Variants in SOAT1 observed in about 807,000 individuals in gnomAD.
The protein encoded by SOAT1 is acyl-coenzyme A:cholesterol acyltransferase 1.
A neutral mutation model predicts 69.5 loss-of-function variants in SOAT1; 55 were observed. The observed-to-expected ratio is 0.79, with a 90% CI of 0.64 to 0.99. SOAT1 has a LOEUF of 0.99. Among genes scored for constraint, SOAT1 ranks in the 50% least tolerant of loss-of-function variants. The pLI, the probability that SOAT1 is intolerant of heterozygous loss-of-function variation, is 0.00. For missense variants in SOAT1, 580 were observed against 669.3 expected (o/e 0.87, Z 1.47); for synonymous variants, 231 against 224.7 (o/e 1.03, Z -0.25).
chr1:179,333,929 A>G (rs1666059982), intron 3 of SOAT1, among the ~76,000 whole-genome samples: 2 of 151,878 alleles, frequency 1.3e-5, no homozygotes, highest in Admixed American at 1.3e-4. Context: ...ACCAAATGGG[A>G]GGTCAGAAGC....
chr1:179,331,591 T>C, intron 3 of SOAT1, among the ~76,000 whole-genome samples: 1 of 151,922 alleles, frequency 6.6e-6, no homozygotes, highest in East Asian at 1.9e-4. Flanking sequence ...TACAAAATTA[T>C]CAGTTAACAA....
At chr1:179,321,842 A>G (rs1321502734) in intron 2 of SOAT1, among the ~76,000 whole-genome samples, 2 of 151,940 alleles carry the variant, frequency 1.3e-5, no homozygotes, top group Non-Finnish European at 2.9e-5. Context: ...CTGTTTGGTT[A>G]AATGGTTTCT....
chr1:179,329,993 C>G (rs1665919928), intron 3 of SOAT1, among the ~76,000 whole-genome samples: 1 of 152,182 alleles, frequency 6.6e-6, no homozygotes, highest in African/African-American at 2.4e-5. Flanking sequence ...AGTTCCCTGC[C>G]TCACCATTTG....
intron 3 of SOAT1, among the ~76,000 whole-genome samples, chr1:179,332,585 C>A (rs1666006824): frequency 6.6e-6 from 1 of 152,076 alleles, no homozygotes; most frequent in Non-Finnish European, 1.5e-5. Context: ...TCTCTCCATC[C>A]ATCTGTCATG....
chr1:179,308,045 C>T (rs1171578577), intron 2 of SOAT1, among the ~76,000 whole-genome samples: 1 of 152,112 alleles, frequency 6.6e-6, no homozygotes, highest in African/African-American at 2.4e-5. Context: ...CCACCTCGGC[C>T]TCCCAAAGTG....
intron 7 of SOAT1, 127 bp from the exon 8 acceptor site, chr1:179,341,987 T>A: frequency 3.3e-6 from 4 of 1,214,160 alleles, no homozygotes; most frequent in Non-Finnish European, 4.3e-6. Context: ...GGTTTTATTT[T>A]AATTTGTTTA....
chr1:179,356,820 C>T lies in SOAT1; in HGVS notation c.*3179C>T, dbSNP rs1666922837. 6.6e-6 allele frequency: 1 copy of T among 150,784 alleles called. No homozygotes were observed. The highest frequency in any genetic ancestry group is 2.4e-5 in the African/African-American group (1 of 40,952). 9.3% of individuals were successfully genotyped at this position (150,784 alleles called of 1,614,324 possible). The stretch of plus-strand genomic sequence containing the variant: ...TAGTGCTCTGGAGTACCTAGAACTA[C>T]AAGTGCCTACCACCACACCCAGCTA... On this transcript the variant is annotated 3_prime_UTR_variant, in exon 16 of 16. Transcript: ENST00000367619.
At chr1:179,311,380 GT>G (rs1665215185) in intron 2 of SOAT1, among the ~76,000 whole-genome samples, 2 of 149,802 alleles carry the variant, frequency 1.3e-5, no homozygotes, top group South Asian at 2.2e-4. Flanking sequence ...TTTGTAACAA[GT>G]TTAACAAGGA....
At chr1:179,304,106 G>A (rs896485368) in intron 2 of SOAT1, among the ~76,000 whole-genome samples, 1 of 152,180 alleles carries the variant, frequency 6.6e-6, no homozygotes, top group Non-Finnish European at 1.5e-5. Context: ...AAATCAAGAA[G>A]TGTAACAACC....
chr1:179,354,331 G>A lies in SOAT1; in HGVS notation c.*690G>A, dbSNP rs1571464792. On this transcript the variant is annotated 3_prime_UTR_variant, in exon 16 of 16. Transcript: ENST00000367619. ...TTACATCAATAATATTGTATATTAA[G>A]GGGATCAGAAGTAGGAAGGAAAAAA... 6.6e-6 allele frequency: 1 copy of A among 152,616 alleles called. No homozygotes were observed. Among genetic ancestry groups the A allele is most frequent in the East Asian group, 1.9e-4 (1 of 5,178 alleles). 9.5% of individuals were successfully genotyped at this position (152,616 alleles called of 1,614,324 possible).
At position 179,322,242 on chromosome 1, in the gene SOAT1, A is replaced by T. The variant is rs372442604; in HGVS notation, c.119-1195A>T. Among the ~76,000 whole-genome samples, 436 of 151,702 alleles carry T rather than the reference A, an allele frequency of 2.9e-3. 18 individuals carry two copies. In the South Asian group the frequency reaches 0.069, roughly 24 times the overall value. On this transcript the variant is annotated intron_variant, in intron 2 of 15. Coordinates refer to ENST00000367619, the MANE Select transcript of SOAT1 (RefSeq NM_003101.6). Reference sequence around the variant, plus strand: ...TTCCCTTAACATATTGATCATTCTGATTTTTTTGTCCTAAAAGTAACAATT... The same window carrying T: ...TTCCCTTAACATATTGATCATTCTGTTTTTTTTGTCCTAAAAGTAACAATT...
At chr1:179,331,043 T>C (rs1410478111) in intron 3 of SOAT1, among the ~76,000 whole-genome samples, 1 of 152,210 alleles carries the variant, frequency 6.6e-6, no homozygotes, top group African/African-American at 2.4e-5. Context: ...GTTTCTACTA[T>C]GGCTGTCCAT....
intron 3 of SOAT1, among the ~76,000 whole-genome samples, chr1:179,334,671 G>C (rs1267168721): frequency 6.6e-6 from 1 of 152,114 alleles, no homozygotes; most frequent in East Asian, 1.9e-4. Flanking sequence ...ATTCTGTACC[G>C]TCTGAGGTGT....
intron 3 of SOAT1, among the ~76,000 whole-genome samples, chr1:179,333,797 C>CCATTG (rs1491252354): frequency 2.4e-5 from 2 of 84,130 alleles, no homozygotes; most frequent in African/African-American, 3.6e-5. Flanking sequence ...CATGCCGTTG[C>CCATTG]CCTCTAGCCT....
Position 179,358,369 on chromosome 1 carries a change from T to C in SOAT1, c.*4728T>C, listed in dbSNP as rs998788632. On this transcript the variant is annotated 3_prime_UTR_variant, in exon 16 of 16. Coordinates refer to ENST00000367619, the MANE Select transcript of SOAT1 (RefSeq NM_003101.6). ...TGATAAACTTTAAGCTAGTAGATAC[T>C]GCACCATGTCTTGTGGTGGTGTTTT... 6.6e-6 allele frequency: 1 copy of C among 152,240 alleles called. No homozygotes were observed. The highest frequency in any genetic ancestry group is 2.4e-5 in the African/African-American group (1 of 41,466). The allele number at this position is 152,240 out of a possible 1,614,324, so 9.4% of individuals were successfully genotyped here.
intron 6 of SOAT1, among the ~76,000 whole-genome samples, chr1:179,340,652 C>T (rs1050689583): frequency 1.3e-4 from 20 of 151,836 alleles, no homozygotes; most frequent in Admixed American, 9.8e-4. Context: ...TACATAAGAA[C>T]GATTGCTGTT....
At chr1:179,335,350 A>G (rs1666111903) in intron 3 of SOAT1, among the ~76,000 whole-genome samples, 156 bp from the exon 4 acceptor site, 1 of 152,180 alleles carries the variant, frequency 6.6e-6, no homozygotes, top group Non-Finnish European at 1.5e-5. Context: ...TGAAACTTCA[A>G]GTCAGATACA....
In SOAT1 at chr1:179,353,777, C is replaced by T; in HGVS notation, c.*136C>T. 1.3e-6 allele frequency: 1 copy of T among 754,450 alleles called. No homozygotes were observed. Among genetic ancestry groups the T allele is most frequent in the Non-Finnish European group, 2.2e-6 (1 of 447,004 alleles). The allele number at this position is 754,450 out of a possible 1,614,324, so 46.7% of individuals were successfully genotyped here. A position where few individuals can be genotyped will look rare whatever the true frequency, so the allele number is the denominator to read the frequency against. ...GGCTTTACAGATGACTCACTCCATT[C>T]CTAGGTCACTTGAAGCCAAACTGTT... On this transcript the variant is annotated 3_prime_UTR_variant, in exon 16 of 16. Coordinates refer to ENST00000367619, the MANE Select transcript of SOAT1 (RefSeq NM_003101.6).
intron 3 of SOAT1, among the ~76,000 whole-genome samples, chr1:179,334,130 T>C (rs931215752): frequency 1.1e-4 from 16 of 152,342 alleles, no homozygotes; most frequent in South Asian, 1.0e-3. Context: ...AGAAGTCTTA[T>C]TGAGAACTGT....
Sources: gnomAD v4.1 joint callset for allele counts (sites outside exome capture counted in the v4.1 genomes callset) on GRCh38, gnomAD v4.1.1 for gene constraint, MANE v1.5 for transcripts, NCBI Gene and HGNC (gene_info 2026-07-23, HGNC 2026-07-21) for gene names.